STRADA: variants seen among roughly 807,000 people sequenced by gnomAD.
The protein encoded by STRADA is STE20 related adaptor alpha.
STRADA carries 26 observed loss-of-function variants against 55.0 expected under a neutral mutation model. The ratio of observed to expected loss-of-function variants is 0.47; its 90% CI spans 0.35 to 0.66. STRADA has a LOEUF of 0.66. Among genes scored for constraint, STRADA ranks in the 30% least tolerant of loss-of-function variants. The probability of loss-of-function intolerance (pLI) is 0.01; values close to 1 mark genes in which losing one functional copy is unlikely to be tolerated. For synonymous variants in STRADA, 197 were observed against 210.9 expected (o/e 0.93, Z 0.57); for missense variants, 443 against 549.7 (o/e 0.81, Z 1.94).
intron 1 of STRADA, among the ~76,000 whole-genome samples, chr17:63,733,185 G>A (rs113176504): frequency 0.017 from 2,577 of 152,272 alleles, 70 homozygotes; most frequent in African/African-American, 0.058. Flanking sequence ...TTTTGGGCCT[G>A]CCAATGGGCA....
In STRADA at chr17:63,703,146, G is replaced by A. The variant is rs1186848474; in HGVS notation, c.*453C>T. The stretch of plus-strand genomic sequence containing the variant: ...GAGGGAGAGGTCTGAGGGAAGGGAG[G>A]CAGGCAGCTTACTACTTGCCCTTTC... On this transcript the variant is annotated 3_prime_UTR_variant, in exon 13 of 13. Transcript: ENST00000336174. 1 of 161,064 alleles carries A rather than the reference G, an allele frequency of 6.2e-6. No homozygotes were observed. Among genetic ancestry groups the A allele is most frequent in the Non-Finnish European group, 1.4e-5 (1 of 72,848 alleles). The allele number at this position is 161,064 out of a possible 1,614,324, so 10.0% of individuals were successfully genotyped here. A position where few individuals can be genotyped will look rare whatever the true frequency, so the allele number is the denominator to read the frequency against.
chr17:63,738,646 T>G (rs1405768785), intron 1 of STRADA, among the ~76,000 whole-genome samples: 1 of 150,402 alleles, frequency 6.6e-6, no homozygotes, highest in Non-Finnish European at 1.5e-5. Context: ...TCTCCTGAGC[T>G]CCGCAGTTCC....
At chr17:63,723,161 C>A (rs768660517) in intron 4 of STRADA, 137 bp downstream of exon 4, 1 of 1,105,506 alleles carries the variant, frequency 9.0e-7, no homozygotes, top group Non-Finnish European at 1.3e-6. Context: ...TCCACAAGTA[C>A]AAAAATCACA....
intron 4 of STRADA, 149 bp from the exon 5 acceptor site, chr17:63,714,257 C>T: frequency 1.5e-6 from 1 of 648,926 alleles, no homozygotes; most frequent in Non-Finnish European, 2.8e-6. Flanking sequence ...TGAAGAGAAA[C>T]AAAACACTAC....
At chr17:63,741,869 G>A (rs778540342), upstream of STRADA, 2 of 152,400 alleles carry the variant, frequency 1.3e-5, no homozygotes, top group Non-Finnish European at 2.9e-5. Context: ...GGGCGACCGG[G>A]AGGACTGATA....
intron 3 of STRADA, 127 bp from the exon 4 acceptor site, chr17:63,723,453 A>G: frequency 9.2e-7 from 1 of 1,087,952 alleles, no homozygotes; most frequent in Non-Finnish European, 1.4e-6. Flanking sequence ...CATTACAGCA[A>G]AAAGTGCCTG....
intron 8 of STRADA, among the ~76,000 whole-genome samples, chr17:63,709,153 C>G (rs1472955552): frequency 4.6e-5 from 7 of 152,178 alleles, no homozygotes; most frequent in Non-Finnish European, 1.0e-4. Context: ...ACGAGGGTTT[C>G]TTTAGGGTGT....
intron 4 of STRADA, chr17:63,715,379 C>T (rs2036796191): frequency 6.6e-6 from 1 of 152,174 alleles, no homozygotes; most frequent in African/African-American, 2.4e-5. Context: ...GGCACAGGAC[C>T]CAGGCCCAAA....
chr17:63,728,143 G>T, intron 2 of STRADA, 191 bp downstream of exon 2: 1 of 520,930 alleles, frequency 1.9e-6, no homozygotes, highest in African/African-American at 2.0e-5. Flanking sequence ...GGTAAATTTT[G>T]TGTCTCTGGT....
intron 11 of STRADA, 79 bp from the exon 12 acceptor site, chr17:63,704,126 G>A: frequency 6.4e-7 from 1 of 1,573,138 alleles, no homozygotes; most frequent in South Asian, 1.2e-5. Context: ...TTATGCCTCA[G>A]CCTCGGGTCC....
chr17:63,707,150 C>A, intron 9 of STRADA, 97 bp downstream of exon 9: 1 of 1,505,220 alleles, frequency 6.6e-7, no homozygotes. Context: ...CTTTACCCCA[C>A]TGGGAGGTTG....
At chr17:63,721,903 G>A (rs2037349366) in intron 4 of STRADA, among the ~76,000 whole-genome samples, 1 of 152,144 alleles carries the variant, frequency 6.6e-6, no homozygotes, top group Admixed American at 6.6e-5. Flanking sequence ...CGAACTCAAA[G>A]AGAGACCAAA....
chr17:63,716,488 C>T (rs1375268483), intron 4 of STRADA, among the ~76,000 whole-genome samples: 2 of 152,002 alleles, frequency 1.3e-5, no homozygotes, highest in African/African-American at 4.8e-5. Context: ...TTTACATTTC[C>T]CTGATTACTA....
At chr17:63,724,127 CTTT>C (rs778827028) in intron 3 of STRADA, among the ~76,000 whole-genome samples, 3 of 151,932 alleles carry the variant, frequency 2.0e-5, no homozygotes, top group Admixed American at 6.6e-5. Context: ...ATGCTTTCTT[CTTT>C]TTAATTTTTT....
chr17:63,717,565 C>T lies in STRADA; in HGVS notation c.124-3457G>A, dbSNP rs555486929. Among the ~76,000 whole-genome samples the T allele has an allele frequency of 2.5e-3, 374 of 152,282 alleles. 3 individuals carry two copies. Among genetic ancestry groups the T allele is most frequent in the African/African-American group, 8.7e-3 (363 of 41,552 alleles). On this transcript the variant is annotated intron_variant, in intron 4 of 12. Coordinates refer to ENST00000336174, the MANE Select transcript of STRADA (RefSeq NM_001003787.4). ...GTGCGATCTCAGCTTACTGCAACCTCTGCCTCCTGGGTTCAAGTGATTCTC... is the reference window on the plus strand; with the variant it reads ...GTGCGATCTCAGCTTACTGCAACCTTTGCCTCCTGGGTTCAAGTGATTCTC...
rs8067231 is a variant in STRADA at position 63,729,475 on chromosome 17, C to G, written c.-44-1062G>C. Among the ~76,000 whole-genome samples, 381 of 152,200 alleles carry G rather than the reference C, an allele frequency of 2.5e-3. 4 individuals are homozygous for G. The highest frequency in any genetic ancestry group is 8.9e-3 in the African/African-American group (370 of 41,528). On this transcript the variant is annotated intron_variant, in intron 1 of 12. Transcript: ENST00000336174. ...ATGACTATGCAAATATGGTTCAGAG[C>G]TGAGGCAAATAGAAATAACTATGTC...
intron 1 of STRADA, among the ~76,000 whole-genome samples, chr17:63,734,021 T>C (rs1472775269): frequency 6.6e-6 from 1 of 152,224 alleles, no homozygotes; most frequent in Admixed American, 6.5e-5. Flanking sequence ...TGTGACTATA[T>C]GCTGAGTGCT....
chr17:63,725,826 C>A (rs565868684), intron 3 of STRADA: 1 of 151,722 alleles, frequency 6.6e-6, no homozygotes, highest in Non-Finnish European at 1.5e-5. Flanking sequence ...CCCACCACCA[C>A]GCCCGGCTAA....
chr17:63,739,344 C>T (rs1027719447), intron 1 of STRADA, among the ~76,000 whole-genome samples: 5 of 151,984 alleles, frequency 3.3e-5, no homozygotes, highest in Admixed American at 6.6e-5. Context: ...AAATGGTATA[C>T]AAATTATGAA....
Sources: gnomAD v4.1 joint callset for allele counts (sites outside exome capture counted in the v4.1 genomes callset) on GRCh38, gnomAD v4.1.1 for gene constraint, MANE v1.5 for transcripts, NCBI Gene and HGNC (gene_info 2026-07-23, HGNC 2026-07-21) for gene names.